Variants in ARL15 observed in about 807,000 individuals in gnomAD.
ARL15 encodes the protein ARF like GTPase 15.
In ARL15, 19 loss-of-function variants were observed where a neutral mutation model predicts 25.2. The ratio of observed to expected loss-of-function variants is 0.75; its 90% CI spans 0.53 to 1.10. ARL15 has a LOEUF of 1.10. Ranked by LOEUF, ARL15 falls within the 50% of genes least tolerant of loss-of-function variation. ARL15 has a pLI of 0.00. For synonymous variants in ARL15, 94 were observed against 86.8 expected (o/e 1.08, Z -0.46); for missense variants, 220 against 246.0 (o/e 0.89, Z 0.71).
intron 4 of ARL15, among the ~76,000 whole-genome samples, chr5:54,016,500 A>G (rs1749433554): frequency 6.6e-6 from 1 of 152,168 alleles, no homozygotes; most frequent in African/African-American, 2.4e-5. Context: ...CTTTATTTTT[A>G]AACAAGAAGC....
chr5:54,209,193 T>A (rs1031455164), intron 1 of ARL15, among the ~76,000 whole-genome samples: 1 of 152,074 alleles, frequency 6.6e-6, no homozygotes, highest in African/African-American at 2.4e-5. Context: ...AAGATGTGTG[T>A]TGGGGTGAAT....
intron 1 of ARL15, among the ~76,000 whole-genome samples, chr5:54,226,804 G>C (rs57314506): frequency 0.14 from 21,294 of 152,048 alleles, 1,808 homozygotes; most frequent in African/African-American, 0.22. Context: ...TATGTCTCCA[G>C]CCAAATCTCA....
intron 4 of ARL15, among the ~76,000 whole-genome samples, chr5:54,043,820 C>T (rs1192178022): frequency 1.3e-5 from 2 of 150,242 alleles, no homozygotes; most frequent in East Asian, 2.0e-4. Context: ...ATTCTAGCCT[C>T]GGGAACATGG....
At chr5:54,254,545 G>C (rs191331943) in intron 1 of ARL15, among the ~76,000 whole-genome samples, 569 of 152,296 alleles carry the variant, frequency 3.7e-3, no homozygotes, top group Non-Finnish European at 6.8e-3. Context: ...AGGAGTAAAT[G>C]CATAGTTTCT....
At chr5:54,134,330 A>C (rs1403113331) in intron 3 of ARL15, among the ~76,000 whole-genome samples, 2 of 152,182 alleles carry the variant, frequency 1.3e-5, no homozygotes, top group African/African-American at 4.8e-5. Flanking sequence ...GAAAGAAAGA[A>C]AGAAATCAGA....
At chr5:53,951,847 ATTTTTTTTTTTTTTT>A (rs59369848) in intron 4 of ARL15, among the ~76,000 whole-genome samples, 4 of 98,220 alleles carry the variant, frequency 4.1e-5, no homozygotes, top group Admixed American at 2.4e-4. Context: ...ACATAAAAGA[ATTTTTTTTTTTTTTT>A]TTTTTTTTTT....
intron 4 of ARL15, among the ~76,000 whole-genome samples, chr5:53,888,676 T>A (rs146407683): frequency 6.6e-6 from 1 of 152,306 alleles, no homozygotes; most frequent in African/African-American, 2.4e-5. Context: ...CAAGACAATC[T>A]GAAATTCCTG....
intron 1 of ARL15, among the ~76,000 whole-genome samples, chr5:54,180,375 A>T (rs1024845234): frequency 6.6e-6 from 1 of 152,140 alleles, no homozygotes. Context: ...TCTTAGGGTG[A>T]CTAGTGGTTC....
At chr5:54,138,556 C>T (rs2112301653) in intron 3 of ARL15, among the ~76,000 whole-genome samples, 1 of 152,214 alleles carries the variant, frequency 6.6e-6, no homozygotes, top group African/African-American at 2.4e-5. Context: ...AGACCAGAAT[C>T]TGTAAGAATT....
intron 1 of ARL15, among the ~76,000 whole-genome samples, chr5:54,204,360 G>A (rs538431002): frequency 1.3e-5 from 2 of 152,266 alleles, no homozygotes; most frequent in African/African-American, 4.8e-5. Context: ...CACTGCCCAT[G>A]TTTTCAGAAA....
intron 3 of ARL15, among the ~76,000 whole-genome samples, chr5:54,114,159 A>G (rs1752822307): frequency 6.6e-6 from 1 of 152,088 alleles, no homozygotes; most frequent in Admixed American, 6.6e-5. Context: ...GTACTTTTGG[A>G]GGCCAAGGCA....
chr5:53,914,617 G>C (rs1394863503), intron 4 of ARL15, among the ~76,000 whole-genome samples: 1 of 152,180 alleles, frequency 6.6e-6, no homozygotes, highest in Non-Finnish European at 1.5e-5. Context: ...AAGGCTCAGA[G>C]AGCTTTGCCC....
At chr5:54,208,997 A>G (rs976403315) in intron 1 of ARL15, among the ~76,000 whole-genome samples, 1 of 152,230 alleles carries the variant, frequency 6.6e-6, no homozygotes, top group African/African-American at 2.4e-5. Context: ...ATGAGGACGT[A>G]GCAAACTAAG....
intron 4 of ARL15, among the ~76,000 whole-genome samples, chr5:54,031,101 G>C (rs184453709): frequency 1.3e-5 from 2 of 152,288 alleles, no homozygotes; most frequent in Admixed American, 1.3e-4. Flanking sequence ...ACCAGGGGGA[G>C]TCTAAGATCA....
chr5:53,992,187 C>T (rs1748525099), intron 4 of ARL15, among the ~76,000 whole-genome samples: 1 of 152,170 alleles, frequency 6.6e-6, no homozygotes, highest in Non-Finnish European at 1.5e-5. Context: ...TCTAGTAATG[C>T]ACTGGGTACT....
chr5:54,218,265 T>A lies in ARL15; in HGVS notation c.49-46337A>T, dbSNP rs184521862. 4.0e-3 allele frequency among the ~76,000 whole-genome samples: 603 copies of A among 152,252 alleles called. 1 individual carries two copies. The highest frequency in any genetic ancestry group is 0.014 in the African/African-American group (563 of 41,548). The stretch of plus-strand genomic sequence containing the variant: ...CTATTCAAAAAGAGCATGGTTTTTT[T>A]AAAAAATTTTGAGTTGTTAAAATAT... On this transcript the variant is annotated intron_variant, in intron 1 of 4. Transcript: ENST00000504924.
At chr5:53,958,776 A>G (rs1486045699) in intron 4 of ARL15, among the ~76,000 whole-genome samples, 1 of 152,218 alleles carries the variant, frequency 6.6e-6, no homozygotes, top group Non-Finnish European at 1.5e-5. Context: ...CTAAAATAAT[A>G]TCAGCTAAAA....
At chr5:54,293,891 C>T (rs761710314) in intron 1 of ARL15, among the ~76,000 whole-genome samples, 1 of 152,006 alleles carries the variant, frequency 6.6e-6, no homozygotes, top group Non-Finnish European at 1.5e-5. Flanking sequence ...TGCAGTGGCA[C>T]GATCTCAGCT....
chr5:54,077,221 T>C (rs899917509), intron 4 of ARL15, among the ~76,000 whole-genome samples: 2 of 152,208 alleles, frequency 1.3e-5, no homozygotes, highest in African/African-American at 4.8e-5. Context: ...GTGATGTTTA[T>C]TTAAGGATAT....
Sources: gnomAD v4.1 joint callset for allele counts (sites outside exome capture counted in the v4.1 genomes callset) on GRCh38, gnomAD v4.1.1 for gene constraint, MANE v1.5 for transcripts, NCBI Gene and HGNC (gene_info 2026-07-23, HGNC 2026-07-21) for gene names.